Variants in NCAM2 observed in about 807,000 individuals in gnomAD.
NCAM2 encodes the protein N-CAM-2.
NCAM2 carries 30 observed loss-of-function variants against 98.1 expected under a neutral mutation model. That is an observed-to-expected ratio of 0.31 (90% CI 0.23 to 0.41). NCAM2 has a LOEUF of 0.41. Ranked by LOEUF, NCAM2 falls within the 10% of genes least tolerant of loss-of-function variation. The pLI, the probability that NCAM2 is intolerant of heterozygous loss-of-function variation, is 1.00. For synonymous variants in NCAM2, 368 were observed against 342.4 expected (o/e 1.07, Z -0.83); for missense variants, 867 against 1,005.8 (o/e 0.86, Z 1.87).
At chr21:21,466,236 T>C (rs986346882) in intron 12 of NCAM2, among the ~76,000 whole-genome samples, 18 of 152,180 alleles carry the variant, frequency 1.2e-4, no homozygotes, top group Non-Finnish European at 1.9e-4. Flanking sequence ...AGAAATAATC[T>C]ATGTAGAGTA....
intron 12 of NCAM2, among the ~76,000 whole-genome samples, chr21:21,455,814 A>C (rs1378402306): frequency 6.6e-6 from 1 of 152,054 alleles, no homozygotes; most frequent in Non-Finnish European, 1.5e-5. Context: ...GTTTCCAAAT[A>C]TCTAGAGAGA....
intron 15 of NCAM2, among the ~76,000 whole-genome samples, chr21:21,494,203 G>C (rs2826864): frequency 0.16 from 24,476 of 151,728 alleles, 2,204 homozygotes; most frequent in Non-Finnish European, 0.2. Context: ...TTTTATATTG[G>C]AGAAAATTAA....
chr21:21,110,144 T>C lies in NCAM2; in HGVS notation c.55+111526T>C, dbSNP rs183732468. On this transcript the variant is annotated intron_variant, in intron 1 of 17. Transcript: ENST00000400546. Reference sequence around the variant, plus strand: ...ATTTGCAGCATTAGGGGAACTTACATACAGAGGGCTTCAGCGTCCTCATGA... The same window carrying C: ...ATTTGCAGCATTAGGGGAACTTACACACAGAGGGCTTCAGCGTCCTCATGA... Among the ~76,000 whole-genome samples the C allele has an allele frequency of 3.3e-5, 5 of 152,278 alleles. No homozygotes were observed. In the East Asian group the frequency reaches 9.7e-4, roughly 29 times the overall value.
chr21:21,272,523 C>A (rs2072551879), intron 1 of NCAM2, among the ~76,000 whole-genome samples: 1 of 151,976 alleles, frequency 6.6e-6, no homozygotes, highest in Non-Finnish European at 1.5e-5. Flanking sequence ...CACACACACA[C>A]ACACACACAC....
At chr21:21,391,445 A>G (rs950971380) in intron 9 of NCAM2, among the ~76,000 whole-genome samples, 2 of 152,210 alleles carry the variant, frequency 1.3e-5, no homozygotes, top group African/African-American at 4.8e-5. Context: ...TTGAAAGGTA[A>G]CATCATCACA....
chr21:21,525,827 C>T (rs1175062754), intron 16 of NCAM2, among the ~76,000 whole-genome samples: 3 of 151,926 alleles, frequency 2.0e-5, no homozygotes, highest in African/African-American at 7.2e-5. Flanking sequence ...GGGATTTATC[C>T]CAGGTATGCA....
chr21:21,108,879 A>C (rs992638736), intron 1 of NCAM2, among the ~76,000 whole-genome samples: 8 of 152,206 alleles, frequency 5.3e-5, no homozygotes, highest in Admixed American at 1.3e-4. Context: ...ACATCTAAAA[A>C]CTTATAGGGT....
intron 16 of NCAM2, among the ~76,000 whole-genome samples, chr21:21,518,080 T>C (rs150212297): frequency 3.3e-5 from 5 of 152,308 alleles, no homozygotes; most frequent in East Asian, 1.9e-4. Flanking sequence ...AAGAAATGCA[T>C]GCAATATATG....
At chr21:21,285,067 A>T (rs1041816683) in intron 3 of NCAM2, among the ~76,000 whole-genome samples, 1 of 151,828 alleles carries the variant, frequency 6.6e-6, no homozygotes, top group African/African-American at 2.4e-5. Context: ...TGAGCAAATC[A>T]TGTAACCTCT....
At chr21:21,503,809 C>T (rs946244696) in intron 15 of NCAM2, among the ~76,000 whole-genome samples, 1 of 151,868 alleles carries the variant, frequency 6.6e-6, no homozygotes, top group East Asian at 1.9e-4. Context: ...AACTGATTCT[C>T]ACAGTTGCTT....
At chr21:21,229,967 C>T (rs756118260) in intron 1 of NCAM2, among the ~76,000 whole-genome samples, 1 of 151,254 alleles carries the variant, frequency 6.6e-6, no homozygotes, top group Non-Finnish European at 1.5e-5. Context: ...AAAATATATG[C>T]ACAAGAACTG....
At chr21:21,032,273 A>G (rs555818535) in intron 1 of NCAM2, among the ~76,000 whole-genome samples, 2 of 152,334 alleles carry the variant, frequency 1.3e-5, no homozygotes, top group South Asian at 2.1e-4. Flanking sequence ...TAATGCAAAT[A>G]TGTTTTTTAT....
intron 1 of NCAM2, 61 bp downstream of exon 1, chr21:20,998,679 G>A (rs2063964441): frequency 6.8e-7 from 1 of 1,475,294 alleles, no homozygotes; most frequent in Non-Finnish European, 9.5e-7. Context: ...GCCAAGAGAG[G>A]CAAAGAGGGA....
chr21:21,322,555 C>T (rs1341191464), intron 5 of NCAM2, among the ~76,000 whole-genome samples: 1 of 152,124 alleles, frequency 6.6e-6, no homozygotes. Flanking sequence ...TTATTTGTTG[C>T]TTTATATTTA....
chr21:21,259,825 G>A (rs951163686), intron 1 of NCAM2, among the ~76,000 whole-genome samples: 1 of 151,242 alleles, frequency 6.6e-6, no homozygotes, highest in African/African-American at 2.4e-5. Context: ...ACCCAGCAAT[G>A]AATCCAAACA....
intron 1 of NCAM2, among the ~76,000 whole-genome samples, chr21:21,149,409 T>C (rs1004077779): frequency 6.6e-6 from 1 of 152,162 alleles, no homozygotes; most frequent in Non-Finnish European, 1.5e-5. Flanking sequence ...TTTTTGATTT[T>C]TTATTTTACC....
rs1166003579 is a variant in NCAM2, at chr21:21,415,288, A to AT, written c.1384-3179dup. Among the ~76,000 whole-genome samples, 6 of 116,454 alleles carry AT rather than the reference A, an allele frequency of 5.2e-5. No individual in the cohort carries two copies. The South Asian group carries it at 1.7e-3, about 33-fold the overall frequency. 76.4% of individuals were successfully genotyped at this position (116,454 alleles called of 152,430 possible). A position where few individuals can be genotyped will look rare whatever the true frequency, so the allele number is the denominator to read the frequency against. ...AACTGTTTCATCTACTTTAAATTCT[A>AT]TTTTTTAGTGTAGTCAATTCCATCA... is the stretch of plus-strand genomic sequence containing the variant. On this transcript the variant is annotated intron_variant, in intron 10 of 17. Coordinates refer to ENST00000400546, the MANE Select transcript of NCAM2 (RefSeq NM_004540.5).
At chr21:21,157,088 T>C (rs1042414092) in intron 1 of NCAM2, among the ~76,000 whole-genome samples, 1 of 152,106 alleles carries the variant, frequency 6.6e-6, no homozygotes, top group African/African-American at 2.4e-5. Flanking sequence ...CTGTGTAAGA[T>C]GCCTGCCACG....
At chr21:21,357,018 TAAATA>T (rs1329710639) in intron 8 of NCAM2, among the ~76,000 whole-genome samples, 1 of 151,636 alleles carries the variant, frequency 6.6e-6, no homozygotes, top group Non-Finnish European at 1.5e-5. Flanking sequence ...AATAAATAAA[TAAATA>T]AATGTTTCTT....
Sources: allele counts gnomAD v4.1 joint callset (sites outside exome capture counted in the v4.1 genomes callset), GRCh38; gene constraint gnomAD v4.1.1; transcripts MANE v1.5; gene names NCBI Gene and HGNC (gene_info 2026-07-23, HGNC 2026-07-21).